Variants in TSPAN5 observed in about 807,000 individuals in gnomAD.
TSPAN5 encodes the protein tetraspanin-5.
A neutral mutation model predicts 37.1 loss-of-function variants in TSPAN5; 10 were observed. That is an observed-to-expected ratio of 0.27 (90% CI 0.17 to 0.46). The LOEUF (loss-of-function observed/expected upper bound fraction) is 0.46, where lower values mean the gene tolerates loss of function less well. Among genes scored for constraint, TSPAN5 ranks in the 20% least tolerant of loss-of-function variants. The pLI, the probability that TSPAN5 is intolerant of heterozygous loss-of-function variation, is 1.00. For synonymous variants in TSPAN5, 110 were observed against 118.9 expected, an observed-to-expected ratio of 0.93 and a Z score of 0.48; for missense variants, 195 against 326.6, an observed-to-expected ratio of 0.60 and a Z score of 3.11.
chr4:98,608,863 G>A (rs564535577), intron 1 of TSPAN5, among the ~76,000 whole-genome samples: 9 of 152,148 alleles, frequency 5.9e-5, no homozygotes, highest in South Asian at 4.2e-4. Context: ...AGAGATGTTC[G>A]TTTCTTCTTT....
At chr4:98,499,239 G>A (rs888068417) in intron 2 of TSPAN5, among the ~76,000 whole-genome samples, 11 of 152,258 alleles carry the variant, frequency 7.2e-5, no homozygotes, top group Admixed American at 6.5e-4. Flanking sequence ...GGCAGGCGGT[G>A]GGCAGAGGCA....
At chr4:98,610,913 G>T (rs116260968) in intron 1 of TSPAN5, among the ~76,000 whole-genome samples, 1 of 152,036 alleles carries the variant, frequency 6.6e-6, no homozygotes, top group Non-Finnish European at 1.5e-5. Flanking sequence ...CGCTCCCCAG[G>T]TATAGACTAT....
intron 1 of TSPAN5, among the ~76,000 whole-genome samples, chr4:98,646,913 C>T (rs1029650664): frequency 5.3e-5 from 8 of 152,090 alleles, no homozygotes; most frequent in Admixed American, 3.3e-4. Context: ...CTCAGGATTC[C>T]GAGATAGACG....
chr4:98,629,856 T>C lies in TSPAN5; in HGVS notation c.81+28290A>G, dbSNP rs571471762. Reference sequence around the variant, plus strand: ...GAAGAATAAATGAATGAAGATCAAATGGGTTATTTGCTGCTGACCACAAAC... The same window carrying C: ...GAAGAATAAATGAATGAAGATCAAACGGGTTATTTGCTGCTGACCACAAAC... On this transcript the variant is annotated intron_variant, in intron 1 of 7. Transcript: ENST00000305798. 2.1e-3 allele frequency among the ~76,000 whole-genome samples: 323 copies of C among 152,344 alleles called. 1 individual carries two copies. Among genetic ancestry groups the C allele is most frequent in the Middle Eastern group, 3.4e-3 (1 of 294 alleles).
chr4:98,572,374 A>G (rs1755145636), intron 1 of TSPAN5, among the ~76,000 whole-genome samples: 1 of 152,216 alleles, frequency 6.6e-6, no homozygotes. Context: ...AGTTGTGAAG[A>G]TTAAAGAGCT....
At chr4:98,586,956 G>A (rs186362747) in intron 1 of TSPAN5, among the ~76,000 whole-genome samples, 39 of 152,350 alleles carry the variant, frequency 2.6e-4, no homozygotes, top group Admixed American at 1.6e-3. Context: ...CAAAGTGGTC[G>A]TGCCCTGTCC....
At position 98,472,475 on chromosome 4, in the gene TSPAN5, C is replaced by G; in HGVS notation, c.*47G>C. ...ATCAGTTCGGCACGCGGGAGGGTCC[C>G]GAAAGCTGGGTCTGTCCAGTGTCTT... On this transcript the variant is annotated 3_prime_UTR_variant, in exon 8 of 8. Transcript: ENST00000305798. 2 of 1,591,936 alleles carry G rather than the reference C, an allele frequency of 1.3e-6. No individual in the cohort carries two copies. Among genetic ancestry groups the G allele is most frequent in the South Asian group, 1.1e-5 (1 of 89,928 alleles).
intron 2 of TSPAN5, among the ~76,000 whole-genome samples, chr4:98,496,012 C>T (rs1024511720): frequency 6.6e-6 from 1 of 152,264 alleles, no homozygotes; most frequent in East Asian, 1.9e-4. Flanking sequence ...ATGAGACTAG[C>T]TCTTGATTCA....
chr4:98,486,995 G>C, intron 2 of TSPAN5, 111 bp from the exon 3 acceptor site: 8 of 1,042,484 alleles, frequency 7.7e-6, no homozygotes, highest in Non-Finnish European at 1.1e-5. Flanking sequence ...CCTTCAGAGG[G>C]CATCTGATTA....
chr4:98,488,020 T>G (rs542902530), intron 2 of TSPAN5, among the ~76,000 whole-genome samples: 1 of 152,200 alleles, frequency 6.6e-6, no homozygotes, highest in East Asian at 1.9e-4. Flanking sequence ...AATCACAGTA[T>G]AGTTTGCTGT....
intron 1 of TSPAN5, among the ~76,000 whole-genome samples, chr4:98,638,726 T>C (rs530438460): frequency 7.7e-4 from 118 of 152,314 alleles, no homozygotes; most frequent in African/African-American, 2.7e-3. Flanking sequence ...GATTTTACCC[T>C]ACTCGCAAGG....
At chr4:98,611,946 G>T (rs1464179956) in intron 1 of TSPAN5, among the ~76,000 whole-genome samples, 1 of 152,232 alleles carries the variant, frequency 6.6e-6, no homozygotes, top group East Asian at 1.9e-4. Flanking sequence ...TCAGCCAGGA[G>T]CCCTTGTGTA....
At chr4:98,611,873 G>A (rs1253883652) in intron 1 of TSPAN5, among the ~76,000 whole-genome samples, 2 of 152,234 alleles carry the variant, frequency 1.3e-5, no homozygotes, top group Admixed American at 1.3e-4. Context: ...TCCATCCCCT[G>A]GCCTGGGCCG....
At chr4:98,475,882 C>T (rs1472806168) in intron 7 of TSPAN5, among the ~76,000 whole-genome samples, 2 of 151,778 alleles carry the variant, frequency 1.3e-5, no homozygotes, top group Admixed American at 6.6e-5. Flanking sequence ...CCCAGCTACT[C>T]GGGAGGCTGA....
intron 1 of TSPAN5, among the ~76,000 whole-genome samples, chr4:98,628,834 T>C (rs1437204118): frequency 6.6e-6 from 1 of 152,234 alleles, no homozygotes; most frequent in Admixed American, 6.5e-5. Flanking sequence ...TGTCCTATGA[T>C]ACATTGTACA....
chr4:98,566,697 G>T (rs1446402529), intron 1 of TSPAN5, among the ~76,000 whole-genome samples: 2 of 152,206 alleles, frequency 1.3e-5, no homozygotes, highest in Non-Finnish European at 2.9e-5. Flanking sequence ...GGATGCTGTG[G>T]AGGAGGGCGG....
chr4:98,621,558 C>T lies in TSPAN5; in HGVS notation c.81+36588G>A, dbSNP rs574115341. ...AATTTTTTTGTATTTTTAGTAGAGA[C>T]GGGGTTTCACCATGTTCACCAGGAT... On this transcript the variant is annotated intron_variant, in intron 1 of 7. Transcript: ENST00000305798. Among the ~76,000 whole-genome samples, 276 of 151,866 alleles carry T rather than the reference C, an allele frequency of 1.8e-3. 1 individual carries two copies. In the Middle Eastern group the frequency reaches 0.034, roughly 19 times the overall value.
At chr4:98,622,040 A>C (rs1237008855) in intron 1 of TSPAN5, among the ~76,000 whole-genome samples, 3 of 152,252 alleles carry the variant, frequency 2.0e-5, no homozygotes, top group South Asian at 2.1e-4. Context: ...AGCTGTTTCT[A>C]CTTTGGGGCT....
At chr4:98,538,072 T>C (rs1407979219) in intron 1 of TSPAN5, among the ~76,000 whole-genome samples, 1 of 152,098 alleles carries the variant, frequency 6.6e-6, no homozygotes, top group African/African-American at 2.4e-5. Context: ...CTGGGCACAG[T>C]TTTCCCTGCA....
Sources: allele counts gnomAD v4.1 joint callset (sites outside exome capture counted in the v4.1 genomes callset), GRCh38; gene constraint gnomAD v4.1.1; transcripts MANE v1.5; gene names NCBI Gene and HGNC (gene_info 2026-07-23, HGNC 2026-07-21).